MAPRE3: variants seen among roughly 807,000 people sequenced by gnomAD.
The protein encoded by MAPRE3 is microtubule-associated protein RP/EB family member 3.
Under a neutral mutation model 30.5 loss-of-function variants are expected in MAPRE3, and 2 were observed. That is an observed-to-expected ratio of 0.07 (90% CI 0.03 to 0.21). The LOEUF is 0.21. MAPRE3 is among the 10% of genes least tolerant of loss of function. The pLI is 1.00. For synonymous variants in MAPRE3, 110 were observed against 127.7 expected (o/e 0.86, Z 0.93); for missense variants, 204 against 351.8 (o/e 0.58, Z 3.36).
chr2:26,993,843 G>A (rs1476013512), intron 1 of MAPRE3, among the ~76,000 whole-genome samples: 1 of 152,110 alleles, frequency 6.6e-6, no homozygotes, highest in East Asian at 1.9e-4. Context: ...CATTGATTGT[G>A]TCCAAAAGTT....
At chr2:27,005,663 C>T (rs1308874886) in intron 1 of MAPRE3, among the ~76,000 whole-genome samples, 1 of 152,178 alleles carries the variant, frequency 6.6e-6, no homozygotes, top group Non-Finnish European at 1.5e-5. Context: ...AACTCTTCCT[C>T]CTAGGGCAGA....
intron 1 of MAPRE3, among the ~76,000 whole-genome samples, chr2:26,995,815 GTGTGTGTGTGTGTGTA>G (rs1469164258): frequency 6.7e-6 from 1 of 150,286 alleles, no homozygotes; most frequent in Non-Finnish European, 1.5e-5. Flanking sequence ...GTGTGTGTGT[GTGTGTGTGTGTGTGTA>G]TGTGTGTGTG....
At chr2:26,984,105 A>T (rs2148200384) in intron 1 of MAPRE3, among the ~76,000 whole-genome samples, 1 of 152,300 alleles carries the variant, frequency 6.6e-6, no homozygotes, top group Non-Finnish European at 1.5e-5. Flanking sequence ...TTTCCCATGA[A>T]TTTAAATATA....
chr2:26,999,700 C>T (rs1164647169), intron 1 of MAPRE3, among the ~76,000 whole-genome samples: 1 of 151,840 alleles, frequency 6.6e-6, no homozygotes, highest in Non-Finnish European at 1.5e-5. Context: ...ACGGGTTTCT[C>T]CATGTTGGTC....
chr2:26,995,573 A>G (rs1335017392), intron 1 of MAPRE3: 1 of 152,210 alleles, frequency 6.6e-6, no homozygotes, highest in East Asian at 1.9e-4. Context: ...ATCAAAATAA[A>G]TGATAATAAT....
Position 27,027,123 on chromosome 2 carries a change from C to A in MAPRE3, c.*775C>A. On this transcript the variant is annotated 3_prime_UTR_variant, in exon 7 of 7. Transcript: ENST00000233121. ...TCTGTCTGCTTCCCACCTGCCCTCC[C>A]CACCCCCTGCCCCTCGGGCACCAGC... 1 of 152,612 alleles carries A rather than the reference C, an allele frequency of 6.6e-6. No individual in the cohort carries two copies. The highest frequency in any genetic ancestry group is 1.5e-5 in the Non-Finnish European group (1 of 68,198). The allele number at this position is 152,612 out of a possible 1,614,324, so 9.5% of individuals were successfully genotyped here.
At chr2:26,976,144 C>T (rs1666009732) in intron 1 of MAPRE3, among the ~76,000 whole-genome samples, 1 of 152,194 alleles carries the variant, frequency 6.6e-6, no homozygotes, top group Admixed American at 6.5e-5. Flanking sequence ...TGCTGGCACA[C>T]TGTGTAGCTA....
intron 1 of MAPRE3, among the ~76,000 whole-genome samples, chr2:26,984,125 T>C (rs1358337152): frequency 6.6e-6 from 1 of 152,224 alleles, no homozygotes; most frequent in Admixed American, 6.5e-5. Flanking sequence ...ATTTATATAT[T>C]ATTCTCAAAA....
intron 1 of MAPRE3, among the ~76,000 whole-genome samples, chr2:27,016,751 A>G (rs1480168178): frequency 6.6e-6 from 1 of 152,120 alleles, no homozygotes; most frequent in Admixed American, 6.5e-5. Context: ...CAAATACTTT[A>G]TACACCTCTG....
At position 27,004,773 on chromosome 2, in the gene MAPRE3, C is replaced by T. The variant is rs537033793; in HGVS notation, c.-7-17439C>T. ...TAAATGCCATGGATATGTCTGGGAT[C>T]AGTACAGATTTATCCCAGGATACTA... On this transcript the variant is annotated intron_variant, in intron 1 of 6. Transcript: ENST00000233121. Among the ~76,000 whole-genome samples the T allele has an allele frequency of 6.7e-5, 10 of 148,294 alleles. No individual in the cohort carries two copies. The South Asian group carries it at 2.1e-3, about 32-fold the overall frequency.
chr2:26,994,634 A>G (rs1666413885), intron 1 of MAPRE3, among the ~76,000 whole-genome samples: 1 of 152,166 alleles, frequency 6.6e-6, no homozygotes, highest in African/African-American at 2.4e-5. Flanking sequence ...CCAAGTTTGT[A>G]GCTTATTTTG....
intron 4 of MAPRE3, 86 bp from the exon 5 acceptor site, chr2:27,025,497 G>T (rs943004034): frequency 7.2e-7 from 1 of 1,381,592 alleles, no homozygotes; most frequent in Admixed American, 2.3e-5. Flanking sequence ...GCATGGGCCT[G>T]CCCCCGCAGT....
At chr2:27,022,490 T>G in intron 2 of MAPRE3, 151 bp downstream of exon 2, 1 of 1,005,492 alleles carries the variant, frequency 9.9e-7, no homozygotes, top group Non-Finnish European at 1.5e-6. Context: ...ATGTTGTTGT[T>G]GTGTGAACAT....
Position 26,985,991 on chromosome 2 carries a change from A to C in MAPRE3, c.-8+15189A>C, listed in dbSNP as rs1387710000. Among the ~76,000 whole-genome samples the C allele has an allele frequency of 6.6e-6, 1 of 152,098 alleles. No individual in the cohort carries two copies. Among genetic ancestry groups the C allele is most frequent in the Non-Finnish European group, 1.5e-5 (1 of 68,012 alleles). ...TGGCCTCCAGACCAGTGAGAGAATG[A>C]CCTTTGTTGTTTTCAGCCACCCAGT... On this transcript the variant is annotated intron_variant, in intron 1 of 6. Coordinates refer to ENST00000233121, the MANE Select transcript of MAPRE3 (RefSeq NM_012326.4). The surrounding 1 kb of genome is among the most constrained non-coding windows in gnomAD (Gnocchi z 4.2).
intron 1 of MAPRE3, among the ~76,000 whole-genome samples, chr2:26,994,824 CTTT>C (rs59415017): frequency 1.3e-5 from 1 of 76,732 alleles, no homozygotes; most frequent in Non-Finnish European, 2.7e-5. Flanking sequence ...TCTTCTTCTT[CTTT>C]TTTTTTTTTT....
chr2:26,984,153 A>G (rs1249013506), intron 1 of MAPRE3, among the ~76,000 whole-genome samples: 1 of 152,224 alleles, frequency 6.6e-6, no homozygotes, highest in Non-Finnish European at 1.5e-5. Context: ...GACCTTGCCC[A>G]TATTTTCAGA....
At chr2:27,013,208 C>G (rs1039337984) in intron 1 of MAPRE3, 8 of 152,538 alleles carry the variant, frequency 5.2e-5, no homozygotes, top group African/African-American at 1.4e-4. Context: ...CTGAGGCTAG[C>G]CACAGATGGG....
At chr2:26,978,911 A>G (rs2148197113) in intron 1 of MAPRE3, among the ~76,000 whole-genome samples, 1 of 152,376 alleles carries the variant, frequency 6.6e-6, no homozygotes, top group South Asian at 2.1e-4. Flanking sequence ...TGCATGTCAG[A>G]AACACATCTT....
intron 1 of MAPRE3, among the ~76,000 whole-genome samples, chr2:27,000,917 T>A (rs188774173): frequency 8.1e-4 from 123 of 152,398 alleles, no homozygotes; most frequent in Middle Eastern, 3.4e-3. Flanking sequence ...CAATTATTTA[T>A]CTACCTTGTT....
Sources: allele counts gnomAD v4.1 joint callset (sites outside exome capture counted in the v4.1 genomes callset), GRCh38; gene constraint gnomAD v4.1.1; non-coding constraint Gnocchi (gnomAD v3.1); transcripts MANE v1.5; gene names NCBI Gene and HGNC (gene_info 2026-07-23, HGNC 2026-07-21).